Variants in SPAG9 observed in about 807,000 individuals in gnomAD.
SPAG9 encodes sperm associated antigen 9.
SPAG9 carries 35 observed loss-of-function variants against 166.5 expected under a neutral mutation model. That is an observed-to-expected ratio of 0.21 (90% CI 0.16 to 0.28). SPAG9 has a LOEUF of 0.28. Among genes scored for constraint, SPAG9 ranks in the 10% least tolerant of loss-of-function variants. The pLI is 1.00. For missense variants in SPAG9, 1,235 were observed against 1,603.3 expected, an observed-to-expected ratio of 0.77 and a Z score of 3.92; for synonymous variants, 534 against 565.5, an observed-to-expected ratio of 0.94 and a Z score of 0.79.
Position 50,977,146 on chromosome 17 carries a change from G to A in SPAG9, c.3485C>T (p.Thr1162Ile). The A allele has an allele frequency of 6.2e-7, 1 of 1,613,248 alleles. No individual in the cohort carries two copies. ...MVSCNRLWVG[T>I]GNGVIISIPL... ...GATGGAGATAATGACACCATTTCCT[G>A]TCCCCACCCACAAACGATTACAAGA... Residue 1162 changes from threonine to isoleucine, a missense_variant, in exon 27 of 30, where the codon ACA becomes ATA. Physicochemically the swap from Thr to Ile is moderately conservative, Grantham distance 89 (BLOSUM62 -1). Coordinates refer to ENST00000262013, the MANE Select transcript of SPAG9 (RefSeq NM_001130528.3).
Position 50,971,309 on chromosome 17 carries a change from A to AAAAC in SPAG9, c.3701-457_3701-454dup, listed in dbSNP as rs138130404. ...CAACAGAGCAAGACCTTGCTTCTAAAAAACAAACAAACAAACAAACAAACA... is the reference window on the plus strand; with the variant it reads ...CAACAGAGCAAGACCTTGCTTCTAAAAAACAAACAAACAAACAAACAAACAAACA... On this transcript the variant is annotated intron_variant, in intron 28 of 29. Transcript: ENST00000262013. Among the ~76,000 whole-genome samples the AAAAC allele has an allele frequency of 7.0e-3, 1,051 of 149,914 alleles. 12 individuals carry two copies. Among genetic ancestry groups the AAAAC allele is most frequent in the African/African-American group, 0.017 (710 of 40,662 alleles).
intron 6 of SPAG9, among the ~76,000 whole-genome samples, chr17:51,023,740 A>G (rs1350037386): frequency 1.3e-5 from 2 of 152,056 alleles, no homozygotes; most frequent in African/African-American, 2.4e-5. Flanking sequence ...TCTCAGCTCA[A>G]TGCAACCTCC....
intron 12 of SPAG9, among the ~76,000 whole-genome samples, chr17:51,004,339 A>G (rs1434728773): frequency 1.3e-5 from 2 of 152,212 alleles, no homozygotes; most frequent in Non-Finnish European, 1.5e-5. Flanking sequence ...GTATCATTAC[A>G]TAAGATACTA....
intron 9 of SPAG9, among the ~76,000 whole-genome samples, chr17:51,013,907 C>T (rs1022198694): frequency 3.4e-4 from 52 of 151,162 alleles, no homozygotes; most frequent in African/African-American, 1.3e-3. Context: ...CACATACACA[C>T]ACACACACAC....
At position 50,985,742 on chromosome 17, in the gene SPAG9, T is replaced by C. The variant is rs1272796293; in HGVS notation, c.2976A>G (p.Lys992=). ...YVHSSVAQWR[K]CLHSIKLKDS... ...CTTTAAGTTTAATGGAATGGAGACATTTCCTCCACTGGGCTACAGATGAAT... is the reference window on the plus strand; with the variant it reads ...CTTTAAGTTTAATGGAATGGAGACACTTCCTCCACTGGGCTACAGATGAAT... Residue 992 remains lysine, a synonymous_variant, in exon 23 of 30, where the codon AAA becomes AAG. Transcript: ENST00000262013. The C allele has an allele frequency of 3.1e-6, 5 of 1,609,096 alleles. No individual in the cohort carries two copies. The African/African-American group carries it at 5.3e-5, about 17-fold the overall frequency.
intron 3 of SPAG9, among the ~76,000 whole-genome samples, chr17:51,050,220 C>A (rs1010808124): frequency 6.6e-6 from 1 of 152,070 alleles, no homozygotes; most frequent in African/African-American, 2.4e-5. Flanking sequence ...CTAACTCAAC[C>A]AAACTAGCAC....
At chr17:51,063,906 G>A (rs1031287373) in intron 2 of SPAG9, among the ~76,000 whole-genome samples, 44 of 151,586 alleles carry the variant, frequency 2.9e-4, no homozygotes, top group African/African-American at 9.7e-4. Flanking sequence ...AAATAAGTAA[G>A]TAAGTAAGTA....
rs1317970560 is a variant in SPAG9, at chr17:50,982,554, A to G, written c.3207T>C (p.Tyr1069=). The change falls in exon 25 of 30, where the codon TAT becomes TAC. Residue 1069 remains tyrosine (Y), a synonymous_variant. Transcript: ENST00000262013. ...TTTTCATGGCCTTTGGCTGCACCAC[A>G]TAGATTTTGTTCCTATAGCCACACC... ...KVWCGYRNKI[Y]VVQPKAMKIE... The G allele has an allele frequency of 6.2e-7, 1 of 1,613,112 alleles. No individual in the cohort carries two copies. The highest frequency in any genetic ancestry group is 1.3e-5 in the African/African-American group (1 of 74,874).
At chr17:51,087,150 T>C (rs1188677943) in intron 1 of SPAG9, among the ~76,000 whole-genome samples, 1 of 152,124 alleles carries the variant, frequency 6.6e-6, no homozygotes, top group Non-Finnish European at 1.5e-5. Flanking sequence ...ATCCATCAAA[T>C]AGTCTAGTTT....
At position 51,035,931 on chromosome 17, in the gene SPAG9, T is replaced by C. The variant is rs1169231369; in HGVS notation, c.742-4209A>G. ...TTCTATGCCAGCCATATAATTTTCA[T>C]GATGCTTTCTAGGCCTTGGATGGTT... On this transcript the variant is annotated intron_variant, in intron 5 of 29. Transcript: ENST00000262013. Among the ~76,000 whole-genome samples, 3 of 152,214 alleles carry C rather than the reference T, an allele frequency of 2.0e-5. No homozygotes were observed. In the East Asian group the frequency reaches 5.8e-4, roughly 29 times the overall value.
intron 9 of SPAG9, among the ~76,000 whole-genome samples, chr17:51,008,245 T>C (rs2045308431): frequency 6.6e-6 from 1 of 152,164 alleles, no homozygotes; most frequent in South Asian, 2.1e-4. Flanking sequence ...GATAAGCACG[T>C]AGAGCATCCA....
chr17:51,009,790 G>A (rs1005105714), intron 9 of SPAG9, among the ~76,000 whole-genome samples: 6 of 151,938 alleles, frequency 3.9e-5, no homozygotes, highest in Non-Finnish European at 8.8e-5. Context: ...CATGAGACCC[G>A]GATGAAGTAG....
At chr17:51,081,418 T>A (rs75123667) in intron 1 of SPAG9, among the ~76,000 whole-genome samples, 1 of 151,592 alleles carries the variant, frequency 6.6e-6, no homozygotes, top group Non-Finnish European at 1.5e-5. Flanking sequence ...GCCACTAAAC[T>A]CCAGCCTGGG....
intron 12 of SPAG9, among the ~76,000 whole-genome samples, chr17:51,004,764 G>C (rs2045126647): frequency 1.3e-5 from 2 of 152,084 alleles, no homozygotes; most frequent in South Asian, 2.1e-4. Flanking sequence ...AAGGATATTA[G>C]CAAGAAGCTC....
At chr17:50,986,155 C>G (rs970366868) in intron 22 of SPAG9, among the ~76,000 whole-genome samples, 3 of 152,224 alleles carry the variant, frequency 2.0e-5, no homozygotes, top group African/African-American at 7.2e-5. Flanking sequence ...CTATGGCCTA[C>G]AGGCCAGATC....
intron 1 of SPAG9, among the ~76,000 whole-genome samples, chr17:51,090,203 CA>C (rs2048427734): frequency 6.6e-6 from 1 of 152,022 alleles, no homozygotes; most frequent in African/African-American, 2.4e-5. Flanking sequence ...CTCTCTGATT[CA>C]CAAAGCGAGT....
chr17:50,981,255 G>C (rs1597900878), intron 25 of SPAG9, among the ~76,000 whole-genome samples: 1 of 151,968 alleles, frequency 6.6e-6, no homozygotes, highest in Non-Finnish European at 1.5e-5. Flanking sequence ...TAAATTTTAT[G>C]TTTAGACTTT....
At chr17:51,019,250 A>C (rs1006079641) in intron 8 of SPAG9, among the ~76,000 whole-genome samples, 3 of 152,190 alleles carry the variant, frequency 2.0e-5, no homozygotes, top group African/African-American at 7.2e-5. Flanking sequence ...AACTGTGAGA[A>C]AATTAATTTC....
At position 51,014,218 on chromosome 17, in the gene SPAG9, A is replaced by G; in HGVS notation, c.1213+14T>C. On this transcript the variant is annotated intron_variant, in intron 9 of 29. Coordinates refer to ENST00000262013, the MANE Select transcript of SPAG9 (RefSeq NM_001130528.3). ...TAAAAACAGTATGATATTTCTTCAG[A>G]TGAGCTATCATACCTAGTAAATCTG... 1 of 1,587,004 alleles carries G rather than the reference A, an allele frequency of 6.3e-7. No individual in the cohort carries two copies. Among genetic ancestry groups the G allele is most frequent in the Non-Finnish European group, 8.6e-7 (1 of 1,168,792 alleles).
Sources: allele counts gnomAD v4.1 joint callset (sites outside exome capture counted in the v4.1 genomes callset), GRCh38; gene constraint gnomAD v4.1.1; transcripts MANE v1.5; gene names NCBI Gene and HGNC (gene_info 2026-07-23, HGNC 2026-07-21).